NRAP: variants seen among roughly 807,000 people sequenced by gnomAD.
NRAP encodes the protein nebulin related anchoring protein, also known as nebulin-related-anchoring protein.
A neutral mutation model predicts 225.9 loss-of-function variants in NRAP; 189 were observed. That is an observed-to-expected ratio of 0.84 (90% CI 0.74 to 0.94). The LOEUF is 0.94. Among genes scored for constraint, NRAP ranks in the 40% least tolerant of loss-of-function variants. NRAP has a pLI of 0.00. For synonymous variants in NRAP, 769 were observed against 790.7 expected (o/e 0.97, Z 0.46); for missense variants, 2,176 against 2,168.7 (o/e 1.00, Z -0.07).
At chr10:113,633,323 A>G (rs532090502) in intron 15 of NRAP, 135 bp from the exon 16 acceptor site, 2 of 584,380 alleles carry the variant, frequency 3.4e-6, no homozygotes, top group Non-Finnish European at 3.1e-6. Flanking sequence ...GGCAGCCTGT[A>G]CTTTTTGTGA....
rs1489302349 is a variant in NRAP, at chr10:113,589,130, C to T, written c.5089-51G>A. On this transcript the variant is annotated intron_variant, in intron 41 of 41. Transcript: ENST00000359988. Reference sequence around the variant, plus strand: ...TTAAAATGAAGCTCCCCCACCCCCACTCCCGGCCCCGGTTCCCACAGGACA... The same window carrying T: ...TTAAAATGAAGCTCCCCCACCCCCATTCCCGGCCCCGGTTCCCACAGGACA... The T allele has an allele frequency of 2.0e-6, 3 of 1,488,766 alleles. No homozygotes were observed. The African/African-American group carries it at 4.1e-5, about 21-fold the overall frequency. 92.2% of individuals were successfully genotyped at this position (1,488,766 alleles called of 1,614,324 possible).
At chr10:113,595,854 T>G (rs531269027) in intron 37 of NRAP, 127 bp from the exon 38 acceptor site, 12 of 592,056 alleles carry the variant, frequency 2.0e-5, no homozygotes, top group Non-Finnish European at 3.3e-5. Context: ...AACCCAGTCC[T>G]GCCCATGGAC....
chr10:113,648,441 C>A (rs982057817), intron 9 of NRAP, among the ~76,000 whole-genome samples: 4 of 101,798 alleles, frequency 3.9e-5, no homozygotes, highest in African/African-American at 1.7e-4. Flanking sequence ...TTTAGTTTCT[C>A]TCTCTCTCTC....
intron 35 of NRAP, among the ~76,000 whole-genome samples, chr10:113,602,982 A>G (rs1846698681): frequency 6.6e-6 from 1 of 152,234 alleles, no homozygotes; most frequent in Non-Finnish European, 1.5e-5. Flanking sequence ...CCTGAAATGC[A>G]CGGGACAGGC....
At chr10:113,640,400 C>A in intron 13 of NRAP, 69 bp from the exon 14 acceptor site, 1 of 850,516 alleles carries the variant, frequency 1.2e-6, no homozygotes, top group Non-Finnish European at 1.8e-6. Flanking sequence ...TGTTTGAATG[C>A]CATAAGAAAT....
chr10:113,597,711 C>T (rs1846363462), intron 36 of NRAP, among the ~76,000 whole-genome samples: 1 of 152,142 alleles, frequency 6.6e-6, no homozygotes, highest in South Asian at 2.1e-4. Flanking sequence ...AAGAATGGGC[C>T]AGTTTAGATA....
intron 25 of NRAP, among the ~76,000 whole-genome samples, chr10:113,619,380 C>T (rs923945984): frequency 2.0e-5 from 3 of 152,058 alleles, no homozygotes; most frequent in African/African-American, 7.2e-5. Context: ...CTAGAATGAA[C>T]AAATTATAGC....
chr10:113,624,767 C>T, intron 22 of NRAP, 59 bp downstream of exon 22: 2 of 1,230,102 alleles, frequency 1.6e-6, no homozygotes, highest in Non-Finnish European at 2.4e-6. Context: ...GCTTGGTTTA[C>T]CAGGTGGCTA....
At chr10:113,600,873 C>T (rs1282139591) in intron 35 of NRAP, among the ~76,000 whole-genome samples, 2 of 152,152 alleles carry the variant, frequency 1.3e-5, no homozygotes, top group East Asian at 3.8e-4. Flanking sequence ...ATGCCTAGCC[C>T]AGGGTAAGCA....
chr10:113,616,003 C>A (rs1847642618), intron 26 of NRAP, among the ~76,000 whole-genome samples, 187 bp from the exon 27 acceptor site: 1 of 152,176 alleles, frequency 6.6e-6, no homozygotes, highest in Non-Finnish European at 1.5e-5. Flanking sequence ...CCAAGCTCTG[C>A]TTCCTAGCTC....
At chr10:113,629,443 C>T in intron 19 of NRAP, 145 bp downstream of exon 19, 1 of 637,834 alleles carries the variant, frequency 1.6e-6, no homozygotes, top group Non-Finnish European at 2.8e-6. Flanking sequence ...CCCCATCTGC[C>T]CTTTCTGGCC....
intron 9 of NRAP, among the ~76,000 whole-genome samples, chr10:113,648,716 G>A (rs556143298): frequency 2.4e-4 from 36 of 152,154 alleles, no homozygotes; most frequent in African/African-American, 8.2e-4. Flanking sequence ...GCTAGACTGA[G>A]TCCTCTCAAC....
In NRAP at chr10:113,621,997, C is replaced by G. The variant is rs189150188; in HGVS notation, c.2641G>C (p.Val881Leu). 3 of 1,614,192 alleles carry G rather than the reference C, an allele frequency of 1.9e-6. No homozygotes were observed. Among genetic ancestry groups the G allele is most frequent in the South Asian group, 2.2e-5 (2 of 91,088 alleles). ...AAATGCTGAGCTTTGCGGGCATGCACGAGGTGGACCATGTCCAGGGAGACG... is the reference window on the plus strand; with the variant it reads ...AAATGCTGAGCTTTGCGGGCATGCAGGAGGTGGACCATGTCCAGGGAGACG... ...CHVSLDMVHL[V>L]HARKAQHLAT... The change falls in exon 24 of 42, where the codon GTG (valine) becomes CTG (leucine). Residue 881 changes from valine (V) to leucine (L), a missense_variant. Val to Leu is a conservative substitution (Grantham distance 32). Coordinates refer to ENST00000359988, the MANE Select transcript of NRAP (RefSeq NM_198060.4).
rs1365516556 is a variant in NRAP at position 113,646,913 on chromosome 10, T to C, written c.993+10A>G. On this transcript the variant is annotated intron_variant, in intron 10 of 41. Transcript: ENST00000359988. ...CTCTGGCTCTGTGGTCACACCTACA[T>C]GGTACTTACGTCACTAGCGAGTTCG... The C allele has an allele frequency of 1.3e-6, 2 of 1,589,952 alleles. No individual in the cohort carries two copies. Among genetic ancestry groups the C allele is most frequent in the Admixed American group, 1.7e-5 (1 of 59,990 alleles).
Position 113,615,760 on chromosome 10 carries a change from G to C in NRAP, c.3030C>G (p.Asp1010Glu). 2 of 1,612,158 alleles carry C rather than the reference G, an allele frequency of 1.2e-6. No homozygotes were observed. The highest frequency in any genetic ancestry group is 1.7e-6 in the Non-Finnish European group (2 of 1,178,194). ...GCTTGGCCAGCAGGACTTCAGGGAG[G>C]TCAGCAGTCGGTGTGTAATGATGCT... is the stretch of plus-strand genomic sequence containing the variant. The part of the protein sequence containing the change: ...NIKHHYTPTA[D>E]LPEVLLAKLN... The change falls in exon 27 of 42, where the codon GAC becomes GAG. Residue 1010 changes from aspartate (D) to glutamate (E), a missense_variant. Transcript: ENST00000359988.
chr10:113,648,436 T>C (rs1014256003), intron 9 of NRAP, among the ~76,000 whole-genome samples: 1 of 92,180 alleles, frequency 1.1e-5, no homozygotes, highest in East Asian at 3.0e-4. Context: ...TTTATTTTAG[T>C]TTCTCTCTCT....
chr10:113,641,367 T>C lies in NRAP; in HGVS notation c.1321A>G (p.Asn441Asp), dbSNP rs1849192039. Reference sequence around the variant, plus strand: ...GACCCTGGCATAAAAGGACTCACGTTGCTTGCCAGGCTGCCAACTTTCATA... The same window carrying C: ...GACCCTGGCATAAAAGGACTCACGTCGCTTGCCAGGCTGCCAACTTTCATA... Reference protein sequence around the residue: ...HAMKVGSLASNVAYKADYKHD... With the variant: ...HAMKVGSLASDVAYKADYKHD... Residue 441 changes from asparagine to aspartate, a missense_variant and splice_region_variant, in exon 13 of 42, where the codon AAC becomes GAC. Around this residue, in one of 3 missense-constraint regions of NRAP, gnomAD observed 1,708 missense variants for 1,695.5 expected, o/e 1.01. Coordinates refer to ENST00000359988, the MANE Select transcript of NRAP (RefSeq NM_198060.4). 6.2e-7 allele frequency: 1 copy of C among 1,608,736 alleles called. No individual in the cohort carries two copies. The highest frequency in any genetic ancestry group is 1.3e-5 in the African/African-American group (1 of 74,786).
chr10:113,645,768 G>T, intron 11 of NRAP, 57 bp downstream of exon 11: 1 of 907,692 alleles, frequency 1.1e-6, no homozygotes, highest in Non-Finnish European at 1.8e-6. Context: ...CTCATTCACT[G>T]ACTATAGGAG....
chr10:113,607,399 C>CAAAAAAAAAAAAAAA (rs543627940), intron 32 of NRAP, among the ~76,000 whole-genome samples: 75 of 68,598 alleles, frequency 1.1e-3, no homozygotes, highest in Non-Finnish European at 1.6e-3. Flanking sequence ...GAAACTCCGT[C>CAAAAAAAAAAAAAAA]AAAAAAAAAA....
Sources: allele counts gnomAD v4.1 joint callset (sites outside exome capture counted in the v4.1 genomes callset), GRCh38; gene constraint gnomAD v4.1.1; regional missense constraint gnomAD v4.1.1; transcripts MANE v1.5; gene names NCBI Gene and HGNC (gene_info 2026-07-23, HGNC 2026-07-21).